PTPRD: variants seen among roughly 807,000 people sequenced by gnomAD.
PTPRD encodes the protein receptor-type tyrosine-protein phosphatase delta.
In PTPRD, 34 loss-of-function variants were observed where a neutral mutation model predicts 214.5. That is an observed-to-expected ratio of 0.16 (90% CI 0.12 to 0.21). The LOEUF is 0.21. PTPRD is among the 10% of genes least tolerant of loss of function. PTPRD has a pLI of 1.00. For missense variants in PTPRD, 2,545 were observed against 2,398.7 expected, an observed-to-expected ratio of 1.06 and a Z score of -1.27; for synonymous variants, 1,128 against 845.7, an observed-to-expected ratio of 1.33 and a Z score of -5.79.
chr9:9,024,349 TTTG>T (rs1043965438), intron 10 of PTPRD, among the ~76,000 whole-genome samples: 3 of 34,742 alleles, frequency 8.6e-5, no homozygotes, highest in Admixed American at 7.0e-4. Flanking sequence ...TTTTTTTTTG[TTTG>T]TTTTTTTTTT....
chr9:10,610,611 T>C (rs970457448), intron 2 of PTPRD, among the ~76,000 whole-genome samples: 3 of 152,140 alleles, frequency 2.0e-5, no homozygotes, highest in Non-Finnish European at 4.4e-5. Context: ...AAGGGCTTCA[T>C]TTTAAATCAC....
At chr9:8,459,515 T>C (rs2096319525) in intron 33 of PTPRD, among the ~76,000 whole-genome samples, 1 of 152,040 alleles carries the variant, frequency 6.6e-6, no homozygotes, top group African/African-American at 2.4e-5. Context: ...TCTTTATAAG[T>C]TCATATTTAT....
chr9:8,608,744 A>T (rs1175284480), intron 14 of PTPRD, among the ~76,000 whole-genome samples: 1 of 152,228 alleles, frequency 6.6e-6, no homozygotes, highest in Non-Finnish European at 1.5e-5. Flanking sequence ...TGCACCGAAA[A>T]AAATAAAAAA....
rs138315128 is a variant in PTPRD at position 10,020,070 on chromosome 9, C to T, written c.-472+13648G>A. Among the ~76,000 whole-genome samples the T allele has an allele frequency of 6.9e-3, 1,044 of 152,028 alleles. 9 individuals carry two copies. The highest frequency in any genetic ancestry group is 0.01 in the Non-Finnish European group (692 of 67,964). ...CTCAGTTTCAGATGTTGAAGAAAGACGGAAGTTATTAATAACCTTACTTTT... is the reference window on the plus strand; with the variant it reads ...CTCAGTTTCAGATGTTGAAGAAAGATGGAAGTTATTAATAACCTTACTTTT... On this transcript the variant is annotated intron_variant, in intron 4 of 45. Coordinates refer to ENST00000381196, the MANE Select transcript of PTPRD (RefSeq NM_002839.4).
chr9:9,121,030 T>A (rs2099817124), intron 10 of PTPRD, among the ~76,000 whole-genome samples: 2 of 152,082 alleles, frequency 1.3e-5, no homozygotes, highest in African/African-American at 4.8e-5. Context: ...CTTTTAGCGG[T>A]GAGGAAAAGA....
intron 10 of PTPRD, among the ~76,000 whole-genome samples, chr9:9,088,219 C>T (rs1347954647): frequency 6.6e-6 from 1 of 151,442 alleles, no homozygotes; most frequent in Non-Finnish European, 1.5e-5. Context: ...CCTCATTCTT[C>T]CCTTGAACCT....
At chr9:9,077,848 T>C (rs2099753478) in intron 10 of PTPRD, among the ~76,000 whole-genome samples, 1 of 152,110 alleles carries the variant, frequency 6.6e-6, no homozygotes, top group Non-Finnish European at 1.5e-5. Flanking sequence ...TGTATTCAAA[T>C]AGTCCCTCTG....
intron 11 of PTPRD, among the ~76,000 whole-genome samples, chr9:8,938,656 G>A (rs982106963): frequency 6.6e-6 from 1 of 151,892 alleles, no homozygotes; most frequent in Admixed American, 6.6e-5. Context: ...AAGGCTCCTG[G>A]TGACCTTTCT....
chr9:8,698,349 C>A (rs1033405621), intron 12 of PTPRD, among the ~76,000 whole-genome samples: 1 of 152,136 alleles, frequency 6.6e-6, no homozygotes, highest in African/African-American at 2.4e-5. Flanking sequence ...GCGAAGACGA[C>A]AGTTAGTGAT....
intron 11 of PTPRD, among the ~76,000 whole-genome samples, chr9:8,993,111 T>C (rs1433577900): frequency 6.6e-6 from 1 of 152,146 alleles, no homozygotes; most frequent in East Asian, 1.9e-4. Flanking sequence ...AGAATAATTA[T>C]GTTTTATGTC....
chr9:9,775,974 A>AAAAAAAAAAAAAC (rs1565173569), intron 5 of PTPRD, among the ~76,000 whole-genome samples: 1 of 151,104 alleles, frequency 6.6e-6, no homozygotes, highest in Non-Finnish European at 1.5e-5. Context: ...AAAAAAAAAA[A>AAAAAAAAAAAAAC]AAAAAGCAAA....
At position 8,317,284 on chromosome 9, in the gene PTPRD, A is replaced by G. The variant is rs994210382; in HGVS notation, c.*590T>C. On this transcript the variant is annotated 3_prime_UTR_variant, in exon 46 of 46. Transcript: ENST00000381196. Reference sequence around the variant, plus strand: ...GAGTTATGTAACTTTTTTAAAATTCACTTTATCGAATGATACATTTTGTTA... The same window carrying G: ...GAGTTATGTAACTTTTTTAAAATTCGCTTTATCGAATGATACATTTTGTTA... 2.6e-5 allele frequency: 6 copies of G among 232,222 alleles called. No individual in the cohort carries two copies. The highest frequency in any genetic ancestry group is 4.3e-5 in the Non-Finnish European group (5 of 117,208). The allele number at this position is 232,222 out of a possible 1,614,324, so 14.4% of individuals were successfully genotyped here.
At chr9:9,216,937 T>C (rs1473732491) in intron 9 of PTPRD, among the ~76,000 whole-genome samples, 1 of 152,180 alleles carries the variant, frequency 6.6e-6, no homozygotes. Flanking sequence ...CTATTTTTTT[T>C]CTATTATTTC....
chr9:8,350,271 A>T (rs2075086615), intron 39 of PTPRD, among the ~76,000 whole-genome samples: 1 of 152,076 alleles, frequency 6.6e-6, no homozygotes. Flanking sequence ...TTTAATGCTG[A>T]CCCTTTCCTG....
rs146004078 is a variant in PTPRD, at chr9:10,202,047, T to C, written c.-545+138916A>G. On this transcript the variant is annotated intron_variant, in intron 3 of 45. Transcript: ENST00000381196. Reference sequence around the variant, plus strand: ...ATTCAGATGAAAGAAATAAGAACAGTGAGAAAACTGTATGTGTTTTCAAAT... The same window carrying C: ...ATTCAGATGAAAGAAATAAGAACAGCGAGAAAACTGTATGTGTTTTCAAAT... Among the ~76,000 whole-genome samples, 19 of 152,182 alleles carry C rather than the reference T, an allele frequency of 1.2e-4. No homozygotes were observed. The East Asian group carries it at 3.7e-3, about 29-fold the overall frequency.
At position 9,647,017 on chromosome 9, in the gene PTPRD, T is replaced by G. The variant is rs147153094; in HGVS notation, c.-286-72236A>C. On this transcript the variant is annotated intron_variant, in intron 7 of 45. Transcript: ENST00000381196. ...TGGACATTTATACACTGGCCTACAT[T>G]TTTTACCCTCTCATAATTTCCATCT... is the stretch of plus-strand genomic sequence containing the variant. Among the ~76,000 whole-genome samples, 408 of 152,248 alleles carry G rather than the reference T, an allele frequency of 2.7e-3. 1 individual carries two copies. The highest frequency in any genetic ancestry group is 0.017 in the Middle Eastern group (5 of 294).
chr9:9,701,524 G>A (rs573271377), intron 7 of PTPRD, among the ~76,000 whole-genome samples: 2 of 152,180 alleles, frequency 1.3e-5, no homozygotes, highest in East Asian at 1.9e-4. Flanking sequence ...CATAATACTT[G>A]TTGTATTTTG....
intron 3 of PTPRD, among the ~76,000 whole-genome samples, chr9:10,335,250 T>C (rs1035126138): frequency 2.6e-5 from 4 of 151,614 alleles, no homozygotes; most frequent in African/African-American, 9.7e-5. Context: ...AAAAGATCAA[T>C]GGAACAGAAA....
At chr9:8,946,041 T>G (rs1025508297) in intron 11 of PTPRD, among the ~76,000 whole-genome samples, 1 of 152,202 alleles carries the variant, frequency 6.6e-6, no homozygotes, top group African/African-American at 2.4e-5. Context: ...GCATGAGATA[T>G]TGATTTAATT....
Sources: gnomAD v4.1 joint callset for allele counts (sites outside exome capture counted in the v4.1 genomes callset) on GRCh38, gnomAD v4.1.1 for gene constraint, MANE v1.5 for transcripts, NCBI Gene and HGNC (gene_info 2026-07-23, HGNC 2026-07-21) for gene names.